The following ATG7 variants were observed in gnomAD, a reference collection of about 807,000 sequenced individuals.
The protein encoded by ATG7 is autophagy related 7.
Under a neutral mutation model 82.4 loss-of-function variants are expected in ATG7, and 70 were observed. The observed-to-expected ratio is 0.85, with a 90% confidence interval of 0.70 to 1.04. ATG7 has a LOEUF of 1.04. Among genes scored for constraint, ATG7 ranks in the 50% least tolerant of loss-of-function variants. The pLI, the probability that ATG7 is intolerant of heterozygous loss-of-function variation, is 0.00. For synonymous variants in ATG7, 287 were observed against 313.0 expected (o/e 0.92, Z 0.88); for missense variants, 792 against 864.3 (o/e 0.92, Z 1.05).
rs766875278 is a variant in ATG7 at position 11,360,574 on chromosome 3, C to G, written c.1480-7C>G. 1.9e-6 allele frequency: 3 copies of G among 1,611,378 alleles called. No individual in the cohort carries two copies. The South Asian group carries it at 3.3e-5, about 18-fold the overall frequency. ...AACTCTGCTCTTTCATTCCTTGAAA[C>G]CTGCAGCTGGTCATCAATGCTGCTT... is the stretch of plus-strand genomic sequence containing the variant. On this transcript the variant is annotated splice_region_variant and splice_polypyrimidine_tract_variant and intron_variant, in intron 15 of 20. Coordinates refer to ENST00000693202, the MANE Select transcript of ATG7 (RefSeq NM_001349232.2).
chr3:11,417,804 TATTTTATTTTA>T (rs1559578321), intron 19 of ATG7, among the ~76,000 whole-genome samples: 2 of 43,176 alleles, frequency 4.6e-5, no homozygotes, highest in Admixed American at 2.6e-4. Flanking sequence ...ATTATTATTT[TATTTTATTTTA>T]TTTTTTTTTT....
chr3:11,548,148 G>A (rs910379468), intron 20 of ATG7, among the ~76,000 whole-genome samples: 2 of 152,056 alleles, frequency 1.3e-5, no homozygotes, highest in Non-Finnish European at 2.9e-5. Flanking sequence ...TTGGACTTTT[G>A]CCACATTTTT....
intron 19 of ATG7, among the ~76,000 whole-genome samples, chr3:11,395,969 A>AGGC (rs1559533675): frequency 0.01 from 913 of 89,322 alleles, 205 homozygotes; most frequent in Non-Finnish European, 0.013. Context: ...AAAAAAAGGT[A>AGGC]GGGGGGGAAG....
intron 20 of ATG7, among the ~76,000 whole-genome samples, chr3:11,519,850 C>T (rs767781196): frequency 6.6e-6 from 1 of 151,980 alleles, no homozygotes. Flanking sequence ...CGTGAGCCAC[C>T]ATGCCCAGCC....
At position 11,313,155 on chromosome 3, in the gene ATG7, G is replaced by C. The variant is rs1289561426; in HGVS notation, c.412-149G>C. 2.2e-5 allele frequency: 11 copies of C among 491,278 alleles called. No homozygotes were observed. The South Asian group carries it at 3.5e-4, about 15-fold the overall frequency. 30.4% of individuals were successfully genotyped at this position (491,278 alleles called of 1,614,324 possible). On this transcript the variant is annotated intron_variant, in intron 7 of 20. Coordinates refer to ENST00000693202, the MANE Select transcript of ATG7 (RefSeq NM_001349232.2). ...AGTCCTTTATTTGATCATGAGTTCT[G>C]TTGGGGATGAGGATATTTGATAAGC...
At chr3:11,319,921 A>G (rs982622394) in intron 9 of ATG7, among the ~76,000 whole-genome samples, 1 of 152,056 alleles carries the variant, frequency 6.6e-6, no homozygotes, top group African/African-American at 2.4e-5. Context: ...TTCCCATATC[A>G]TCCCCACAGT....
chr3:11,550,347 C>T (rs1244771970), intron 20 of ATG7, among the ~76,000 whole-genome samples: 1 of 151,848 alleles, frequency 6.6e-6, no homozygotes, highest in African/African-American at 2.4e-5. Flanking sequence ...TGAGAACTGG[C>T]CGTGTCTTTG....
chr3:11,573,324 A>C, the ATG7 span, among the ~76,000 whole-genome samples: 99 of 39,452 alleles, frequency 2.5e-3, no homozygotes, highest in African/African-American at 5.5e-3. Context: ...AGGAAGAAAG[A>C]AAGAAAGAAA....
intron 20 of ATG7, among the ~76,000 whole-genome samples, chr3:11,551,412 G>A (rs555503806): frequency 7.3e-4 from 111 of 152,210 alleles, no homozygotes; most frequent in Middle Eastern, 3.2e-3. Context: ...CATCTTTATG[G>A]ATGTTGAATC....
rs1027585043 is a variant in ATG7 at position 11,295,147 on chromosome 3, T to G, written c.-10-3539T>G. Among the ~76,000 whole-genome samples the G allele has an allele frequency of 3.9e-5, 6 of 152,136 alleles. No individual in the cohort carries two copies. The East Asian group carries it at 1.2e-3, about 29-fold the overall frequency. ...ATAAATAAATATGTGCTCAAGATGG[T>G]GAATGTTGGAAAACGCTTGGTCAGG... On this transcript the variant is annotated intron_variant, in intron 3 of 20. Transcript: ENST00000693202.
chr3:11,283,657 G>A (rs911161043), intron 3 of ATG7, among the ~76,000 whole-genome samples: 1 of 152,038 alleles, frequency 6.6e-6, no homozygotes, highest in Non-Finnish European at 1.5e-5. Flanking sequence ...CCTGCTTGTG[G>A]TGGACATGGT....
At chr3:11,499,950 G>T (rs2091197075) in intron 20 of ATG7, among the ~76,000 whole-genome samples, 1 of 152,150 alleles carries the variant, frequency 6.6e-6, no homozygotes, top group Middle Eastern at 3.4e-3. Flanking sequence ...TATTTTATGA[G>T]CATCTTAATC....
At chr3:11,366,984 T>TGTGTGTGTGC (rs1333243271) in intron 18 of ATG7, among the ~76,000 whole-genome samples, 4 of 137,544 alleles carry the variant, frequency 2.9e-5, no homozygotes, top group African/African-American at 1.1e-4. Flanking sequence ...TGTGTGTGTG[T>TGTGTGTGTGC]GTGTGTGTGT....
At chr3:11,327,240 T>C (rs546032969) in intron 9 of ATG7, among the ~76,000 whole-genome samples, 3 of 152,250 alleles carry the variant, frequency 2.0e-5, no homozygotes, top group Non-Finnish European at 4.4e-5. Flanking sequence ...ACATCAAATA[T>C]AACATGCATC....
At chr3:11,316,104 A>C (rs528188929) in intron 9 of ATG7, among the ~76,000 whole-genome samples, 182 of 152,044 alleles carry the variant, frequency 1.2e-3, no homozygotes, top group Non-Finnish European at 2.3e-3. Flanking sequence ...TTTTATTCCC[A>C]GAACTACCCT....
chr3:11,541,001 G>A (rs1220606560), intron 20 of ATG7, among the ~76,000 whole-genome samples: 2 of 149,844 alleles, frequency 1.3e-5, no homozygotes, highest in East Asian at 1.9e-4. Flanking sequence ...CCAGGTTCAC[G>A]CCATTCTCCT....
chr3:11,558,374 T>C (rs2072628516), downstream of ATG7: 3 of 1,014,572 alleles, frequency 3.0e-6, no homozygotes, highest in East Asian at 5.3e-5. Context: ...GAGGGCCCCC[T>C]TGTACGGATA....
intron 20 of ATG7, among the ~76,000 whole-genome samples, chr3:11,538,897 C>A (rs2616539): frequency 0.75 from 110,933 of 148,580 alleles, 41,739 homozygotes; most frequent in East Asian, 0.92. Flanking sequence ...AAAGAAAAAG[C>A]CCTTAGTAAT....
At chr3:11,505,284 C>T (rs1195560209) in intron 20 of ATG7, among the ~76,000 whole-genome samples, 4 of 152,176 alleles carry the variant, frequency 2.6e-5, no homozygotes, top group South Asian at 2.1e-4. Flanking sequence ...GAGGAGTGTT[C>T]GCGCAGGTAG....
Sources: gnomAD v4.1 joint callset for allele counts (sites outside exome capture counted in the v4.1 genomes callset) on GRCh38, gnomAD v4.1.1 for gene constraint, MANE v1.5 for transcripts, NCBI Gene and HGNC (gene_info 2026-07-23, HGNC 2026-07-21) for gene names.